CFAP36: variants seen among roughly 807,000 people sequenced by gnomAD.
The protein encoded by CFAP36 is cilia and flagella associated protein 36.
Under a neutral mutation model 50.5 loss-of-function variants are expected in CFAP36, and 37 were observed. The ratio of observed to expected loss-of-function variants is 0.73; its 90% CI spans 0.56 to 0.96. The LOEUF (loss-of-function observed/expected upper bound fraction) is 0.96, where lower values mean the gene tolerates loss of function less well. Among genes scored for constraint, CFAP36 ranks in the 50% least tolerant of loss-of-function variants. The pLI is 0.00. For missense variants in CFAP36, 407 were observed against 396.2 expected (o/e 1.03, Z -0.23); for synonymous variants, 138 against 128.2 (o/e 1.08, Z -0.52).
chr2:55,520,310 A>G (rs1277590175), intron 1 of CFAP36: 1 of 1,087,404 alleles, frequency 9.2e-7, no homozygotes, highest in African/African-American at 1.6e-5. Context: ...TTGAGAGGAG[A>G]AGCGTCGGTT....
At chr2:55,526,608 A>C (rs1447857743) in intron 3 of CFAP36, among the ~76,000 whole-genome samples, 1 of 152,060 alleles carries the variant, frequency 6.6e-6, no homozygotes, top group Non-Finnish European at 1.5e-5. Context: ...TGCCTGGCTA[A>C]TTTTTCAGTT....
chr2:55,538,914 C>A, intron 7 of CFAP36: 1 of 1,442,206 alleles, frequency 6.9e-7, no homozygotes, highest in Admixed American at 3.0e-5. Flanking sequence ...GATGTTTACC[C>A]ATTAATTTTT....
chr2:55,526,121 A>G (rs571064821), intron 3 of CFAP36, among the ~76,000 whole-genome samples: 261 of 152,338 alleles, frequency 1.7e-3, no homozygotes, highest in African/African-American at 5.9e-3. Context: ...CCAGAATTCA[A>G]TCTACTTAAC....
chr2:55,522,110 G>C lies in CFAP36; in HGVS notation c.124G>C (p.Asp42His). Residue 42 changes from aspartate to histidine, a missense_variant, in exon 2 of 10, where the codon GAT (aspartate) becomes CAT (histidine). Asp to His is a moderately conservative substitution (Grantham distance 81). Coordinates refer to ENST00000349456, the MANE Select transcript of CFAP36 (RefSeq NM_080667.7). ...FVEQKCEVFD[D>H]EEESKLTYTE... ...TTTTCTTTTAAATTTAGTTTTTGAT[G>C]ATGAAGAAGAAAGCAAATTGACCTA... 1 of 1,500,840 alleles carries C rather than the reference G, an allele frequency of 6.7e-7. No individual in the cohort carries two copies. Among genetic ancestry groups the C allele is most frequent in the Non-Finnish European group, 9.1e-7 (1 of 1,093,284 alleles). 93.0% of individuals were successfully genotyped at this position (1,500,840 alleles called of 1,614,324 possible). A position where few individuals can be genotyped will look rare whatever the true frequency, so the allele number is the denominator to read the frequency against.
chr2:55,533,850 A>T (rs369003491), intron 4 of CFAP36, 23 bp from the exon 5 acceptor site: 1 of 1,475,648 alleles, frequency 6.8e-7, no homozygotes, highest in South Asian at 1.2e-5. Context: ...ATACTATTTC[A>T]TGTGGTCTTT....
At chr2:55,543,600 A>G (rs1218701255) in intron 7 of CFAP36, among the ~76,000 whole-genome samples, 1 of 152,188 alleles carries the variant, frequency 6.6e-6, no homozygotes, top group African/African-American at 2.4e-5. Context: ...TATACTGTTT[A>G]TTTGGATTAT....
At chr2:55,544,814 C>T (rs1483361185) in intron 9 of CFAP36, 93 bp from the exon 10 acceptor site, 2 of 720,244 alleles carry the variant, frequency 2.8e-6, no homozygotes, top group Non-Finnish European at 4.7e-6. Context: ...CAAGAAGGTG[C>T]CCCCGATTTT....
chr2:55,534,884 C>T (rs146777297), intron 5 of CFAP36, among the ~76,000 whole-genome samples: 78 of 152,270 alleles, frequency 5.1e-4, no homozygotes, highest in African/African-American at 1.2e-3. Flanking sequence ...TGCTTAATTT[C>T]GGGGGTTTGA....
intron 3 of CFAP36, among the ~76,000 whole-genome samples, chr2:55,524,422 ATTTTTTTTTTTT>A (rs57908457): frequency 1.0e-5 from 1 of 99,372 alleles, no homozygotes; most frequent in African/African-American, 4.6e-5. Context: ...CACATGGCTA[ATTTTTTTTTTTT>A]TTTTTTTTTT....
chr2:55,528,858 C>G lies in CFAP36; in HGVS notation c.283-20C>G. On this transcript the variant is annotated intron_variant, in intron 3 of 9. Transcript: ENST00000349456. ...TTTTAAAACTTGAATCTTCATTTCACTTGAGACTTCTTTCCACAGGCCATT... is the reference window on the plus strand; with the variant it reads ...TTTTAAAACTTGAATCTTCATTTCAGTTGAGACTTCTTTCCACAGGCCATT... 1 of 1,484,644 alleles carries G rather than the reference C, an allele frequency of 6.7e-7. No individual in the cohort carries two copies. The highest frequency in any genetic ancestry group is 9.3e-7 in the Non-Finnish European group (1 of 1,077,820). The allele number at this position is 1,484,644 out of a possible 1,614,324, so 92.0% of individuals were successfully genotyped here. A position where few individuals can be genotyped will look rare whatever the true frequency, so the allele number is the denominator to read the frequency against.
Position 55,543,949 on chromosome 2 carries a change from C to G in CFAP36, c.652C>G (p.His218Asp). 10 of 1,611,836 alleles carry G rather than the reference C, an allele frequency of 6.2e-6. No homozygotes were observed. Among genetic ancestry groups the G allele is most frequent in the Non-Finnish European group, 8.5e-6 (10 of 1,178,978 alleles). Residue 218 changes from histidine (H) to aspartate (D), a missense_variant, in exon 8 of 10, where the codon CAT (histidine) becomes GAT (aspartate). Transcript: ENST00000349456. ...CTACTTATTGCCAGAAGTTAAAATG[C>G]ATTTTGCTAATCAGTCAATAGAACC... ...FAHPPSEVKM[H>D]FANQSIEPLG...
chr2:55,543,413 G>A (rs1684691380), intron 7 of CFAP36, among the ~76,000 whole-genome samples: 1 of 151,974 alleles, frequency 6.6e-6, no homozygotes, highest in South Asian at 2.1e-4. Context: ...ATAATGCACT[G>A]GCAGGTTTAT....
rs1321261882 is a variant in CFAP36, at chr2:55,538,134, G to C, written c.640+549G>C. ...GGCAAATCTATTCTCAATATGAACT[G>C]ATTTTCTATATAAGAAAACAAGTAA... is the stretch of plus-strand genomic sequence containing the variant. On this transcript the variant is annotated intron_variant, in intron 7 of 9. Transcript: ENST00000349456. Among the ~76,000 whole-genome samples, 3 of 152,012 alleles carry C rather than the reference G, an allele frequency of 2.0e-5. No homozygotes were observed. In the South Asian group the frequency reaches 6.2e-4, roughly 31 times the overall value.
At chr2:55,544,126 G>A in intron 8 of CFAP36, 52 bp downstream of exon 8, 1 of 1,609,638 alleles carries the variant, frequency 6.2e-7, no homozygotes, top group Non-Finnish European at 8.5e-7. Context: ...AAGGTACTGG[G>A]AAATCAAACT....
At chr2:55,526,622 T>C (rs13021958) in intron 3 of CFAP36, among the ~76,000 whole-genome samples, 33,683 of 151,986 alleles carry the variant, frequency 0.22, 3,840 homozygotes, top group East Asian at 0.34. Flanking sequence ...TTCAGTTGTT[T>C]TGTAGAGAGG....
chr2:55,529,803 C>T (rs1159550113), intron 4 of CFAP36, among the ~76,000 whole-genome samples: 1 of 152,062 alleles, frequency 6.6e-6, no homozygotes, highest in Non-Finnish European at 1.5e-5. Context: ...CCTGCCACCA[C>T]TCCGGGCTAA....
intron 1 of CFAP36, among the ~76,000 whole-genome samples, chr2:55,520,817 G>C (rs1391619992): frequency 6.6e-6 from 1 of 152,204 alleles, no homozygotes; most frequent in Non-Finnish European, 1.5e-5. Flanking sequence ...GCTAGGGTCA[G>C]TTGGTACAAG....
chr2:55,535,771 CAGA>C lies in CFAP36; in HGVS notation c.537+10_537+12del. On this transcript the variant is annotated intron_variant, in intron 6 of 9. Transcript: ENST00000349456. Reference sequence around the variant, plus strand: ...AGGAAGAGGAAAAAACAGGTGCCTACAGAACATATAACAGAAGTATTTTATTGC... The same window carrying C: ...AGGAAGAGGAAAAAACAGGTGCCTACACATATAACAGAAGTATTTTATTGC... The C allele has an allele frequency of 2.6e-6, 4 of 1,554,550 alleles. No individual in the cohort carries two copies. Among genetic ancestry groups the C allele is most frequent in the Non-Finnish European group, 3.5e-6 (4 of 1,159,086 alleles).
chr2:55,524,771 C>T (rs374605336), intron 3 of CFAP36, among the ~76,000 whole-genome samples: 1 of 151,854 alleles, frequency 6.6e-6, no homozygotes, highest in Admixed American at 6.6e-5. Flanking sequence ...CACCTGAGGT[C>T]GGGAGTTCGA....
Sources: gnomAD v4.1 joint callset for allele counts (sites outside exome capture counted in the v4.1 genomes callset) on GRCh38, gnomAD v4.1.1 for gene constraint, MANE v1.5 for transcripts, NCBI Gene and HGNC (gene_info 2026-07-23, HGNC 2026-07-21) for gene names.